Variants in RBFOX1 observed in about 807,000 individuals in gnomAD.
RBFOX1 encodes the protein RNA binding protein fox-1 homolog 1.
Under a neutral mutation model 57.7 loss-of-function variants are expected in RBFOX1, and 8 were observed. The ratio of observed to expected loss-of-function variants is 0.14; its 90% CI spans 0.08 to 0.25. The LOEUF (loss-of-function observed/expected upper bound fraction) is 0.25. Ranked by LOEUF, RBFOX1 falls within the 10% of genes least tolerant of loss-of-function variation. The pLI is 1.00. For synonymous variants in RBFOX1, 326 were observed against 222.4 expected (o/e 1.47, Z -4.15); for missense variants, 611 against 548.5 (o/e 1.11, Z -1.14).
intron 4 of RBFOX1, among the ~76,000 whole-genome samples, chr16:7,513,550 T>TA (rs2075683865): frequency 6.6e-6 from 1 of 152,194 alleles, no homozygotes; most frequent in Non-Finnish European, 1.5e-5. Flanking sequence ...AAGGTAGTCG[T>TA]ATACTCTGTA....
chr16:6,431,252 G>C (rs2094074365), intron 2 of RBFOX1, among the ~76,000 whole-genome samples: 2 of 152,134 alleles, frequency 1.3e-5, no homozygotes, highest in African/African-American at 4.8e-5. Flanking sequence ...ATAAAGTTAG[G>C]AGGGAGAATA....
At chr16:6,069,136 C>A (rs532990024) in intron 1 of RBFOX1, among the ~76,000 whole-genome samples, 2 of 152,028 alleles carry the variant, frequency 1.3e-5, no homozygotes, top group South Asian at 4.2e-4. Context: ...CGGCGGCTGA[C>A]GCATGTAATC....
At chr16:6,318,592 C>T (rs960742612) in intron 2 of RBFOX1, among the ~76,000 whole-genome samples, 1 of 152,084 alleles carries the variant, frequency 6.6e-6, no homozygotes, top group African/African-American at 2.4e-5. Context: ...GAAATTGCTG[C>T]TTCTCTGAAA....
At chr16:6,655,944 G>T (rs535769612) in intron 3 of RBFOX1, among the ~76,000 whole-genome samples, 11 of 152,252 alleles carry the variant, frequency 7.2e-5, no homozygotes, top group African/African-American at 2.2e-4. Flanking sequence ...ATTATTTTAG[G>T]GAGTGTTAAT....
intron 4 of RBFOX1, among the ~76,000 whole-genome samples, chr16:7,245,893 A>G (rs2094277026): frequency 6.6e-6 from 1 of 152,182 alleles, no homozygotes; most frequent in Non-Finnish European, 1.5e-5. Context: ...CAGTCTTGCA[A>G]ATAGATATTC....
intron 4 of RBFOX1, among the ~76,000 whole-genome samples, chr16:7,285,561 C>T (rs964300642): frequency 1.3e-5 from 2 of 152,022 alleles, no homozygotes; most frequent in African/African-American, 4.8e-5. Context: ...CTCCCAATTC[C>T]TAATTTCTGG....
intron 4 of RBFOX1, among the ~76,000 whole-genome samples, chr16:7,226,653 A>G (rs1466617310): frequency 6.6e-6 from 1 of 152,230 alleles, no homozygotes; most frequent in Non-Finnish European, 1.5e-5. Context: ...ACAACTCCAT[A>G]AGATGAGTCT....
chr16:6,417,634 C>T (rs976879459), intron 2 of RBFOX1, among the ~76,000 whole-genome samples: 5 of 151,238 alleles, frequency 3.3e-5, no homozygotes, highest in African/African-American at 1.2e-4. Context: ...AGGTGATCCA[C>T]CTACCTCAGC....
At chr16:7,423,263 G>C (rs1025710070) in intron 4 of RBFOX1, among the ~76,000 whole-genome samples, 7 of 152,128 alleles carry the variant, frequency 4.6e-5, no homozygotes, top group African/African-American at 1.4e-4. Context: ...CAGCTGCTGT[G>C]TGGAAAAGTA....
chr16:7,345,167 T>G (rs2096971913), intron 4 of RBFOX1, among the ~76,000 whole-genome samples: 2 of 152,196 alleles, frequency 1.3e-5, no homozygotes, highest in East Asian at 3.9e-4. Context: ...CAAGCAACGT[T>G]ACCAACACAC....
At chr16:5,417,559 C>A (rs1251357222) in intron 1 of RBFOX1, among the ~76,000 whole-genome samples, 1 of 152,086 alleles carries the variant, frequency 6.6e-6, no homozygotes, top group Non-Finnish European at 1.5e-5. Flanking sequence ...TTACCCCTGG[C>A]TTAAGAGAAG....
chr16:5,937,238 C>T (rs2059185169), intron 4 of RBFOX1, among the ~76,000 whole-genome samples: 1 of 152,112 alleles, frequency 6.6e-6, no homozygotes, highest in Non-Finnish European at 1.5e-5. Flanking sequence ...TGCAGCTTTT[C>T]CTATAGTGTG....
downstream of RBFOX1, among the ~76,000 whole-genome samples, chr16:5,604,553 A>G (rs546276766): frequency 6.6e-6 from 1 of 152,310 alleles, no homozygotes; most frequent in South Asian, 2.1e-4. Context: ...GCATGTTAGC[A>G]ACATGGAGTC....
intron 3 of RBFOX1, among the ~76,000 whole-genome samples, chr16:6,796,004 C>CT (rs2083929760): frequency 6.6e-6 from 1 of 151,990 alleles, no homozygotes; most frequent in African/African-American, 2.4e-5. Context: ...ATCATGGTTA[C>CT]TGTATTAGTC....
At chr16:6,504,518 G>T (rs993067301) in intron 2 of RBFOX1, among the ~76,000 whole-genome samples, 1 of 152,124 alleles carries the variant, frequency 6.6e-6, no homozygotes, top group Non-Finnish European at 1.5e-5. Context: ...TAAAAGTGCA[G>T]AGGACTCAAA....
At chr16:7,137,030 C>T (rs186126835) in intron 4 of RBFOX1, among the ~76,000 whole-genome samples, 1 of 152,338 alleles carries the variant, frequency 6.6e-6, no homozygotes, top group East Asian at 1.9e-4. Context: ...CAACTGGACA[C>T]TAAGTTCCTA....
rs2093373768 is a variant in RBFOX1, at chr16:7,229,738, G to GAGAAGAA, written c.27+177640_27+177641insAGAAGAA. Among the ~76,000 whole-genome samples, 4 of 129,022 alleles carry GAGAAGAA rather than the reference G, an allele frequency of 3.1e-5. 1 individual carries two copies. Among genetic ancestry groups the GAGAAGAA allele is most frequent in the African/African-American group, 1.2e-4 (4 of 34,262 alleles). The allele number at this position is 129,022 out of a possible 152,430, so 84.6% of individuals were successfully genotyped here. A position where few individuals can be genotyped will look rare whatever the true frequency, so the allele number is the denominator to read the frequency against. On this transcript the variant is annotated intron_variant, in intron 4 of 15. Transcript: ENST00000550418. ...AGAGAGAGGAAGCAAGGGAGGGAGG[G>GAGAAGAA]GGAAGAAGGAAGGGAGAGAGAGGGA...
At chr16:6,520,434 C>G (rs938379867) in intron 2 of RBFOX1, among the ~76,000 whole-genome samples, 1 of 152,100 alleles carries the variant, frequency 6.6e-6, no homozygotes, top group Non-Finnish European at 1.5e-5. Flanking sequence ...TTAAAACAAT[C>G]TGGTTCATTG....
At chr16:5,883,985 C>A (rs1045164822) in intron 4 of RBFOX1, among the ~76,000 whole-genome samples, 1 of 152,136 alleles carries the variant, frequency 6.6e-6, no homozygotes, top group Non-Finnish European at 1.5e-5. Context: ...ATGCTGAGAT[C>A]CCATTGACTT....
Sources: gnomAD v4.1 joint callset for allele counts (sites outside exome capture counted in the v4.1 genomes callset) on GRCh38, gnomAD v4.1.1 for gene constraint, MANE v1.5 for transcripts, NCBI Gene and HGNC (gene_info 2026-07-23, HGNC 2026-07-21) for gene names.